The following DNAH11 variants were observed in gnomAD, a reference collection of about 807,000 sequenced individuals.
DNAH11 encodes axonemal beta dynein heavy chain 11.
A neutral mutation model predicts 526.0 loss-of-function variants in DNAH11; 442 were observed. The ratio of observed to expected loss-of-function variants is 0.84; its 90% CI spans 0.78 to 0.91. The LOEUF (loss-of-function observed/expected upper bound fraction) is 0.91. DNAH11 is among the 40% of genes least tolerant of loss of function. The pLI is 0.00. For missense variants in DNAH11, 6,989 were observed against 5,448.7 expected (o/e 1.28, Z -8.90); for synonymous variants, 2,461 against 1,935.9 (o/e 1.27, Z -7.12).
chr7:21,590,505 A>C (rs1028896555), intron 12 of DNAH11, among the ~76,000 whole-genome samples: 1 of 152,180 alleles, frequency 6.6e-6, no homozygotes, highest in African/African-American at 2.4e-5. Context: ...ATGCCTAGGA[A>C]GTGGGAAAGT....
intron 30 of DNAH11, among the ~76,000 whole-genome samples, chr7:21,669,635 C>T (rs1464530727): frequency 6.8e-6 from 1 of 148,128 alleles, no homozygotes; most frequent in Non-Finnish European, 1.5e-5. Context: ...CTTTTTGTGT[C>T]TTTTTAAAAA....
At chr7:21,895,105 G>T in intron 79 of DNAH11, 106 bp downstream of exon 79, 1 of 905,542 alleles carries the variant, frequency 1.1e-6, no homozygotes, top group Non-Finnish European at 1.7e-6. Context: ...CTTTGTGACT[G>T]TTCTCAACCT....
intron 63 of DNAH11, among the ~76,000 whole-genome samples, chr7:21,813,537 T>C (rs571727655): frequency 6.6e-6 from 1 of 152,348 alleles, no homozygotes; most frequent in South Asian, 2.1e-4. Context: ...CAGTATTACC[T>C]CCACAGGAAA....
intron 2 of DNAH11, among the ~76,000 whole-genome samples, chr7:21,555,799 G>A (rs1363172600): frequency 6.6e-6 from 1 of 152,182 alleles, no homozygotes; most frequent in African/African-American, 2.4e-5. Flanking sequence ...CCTGGATAGA[G>A]TGGGCCACTT....
rs6962728 is a variant in DNAH11 at position 21,670,809 on chromosome 7, C to T, written c.5329-10737C>T. 9.7e-3 allele frequency among the ~76,000 whole-genome samples: 1,476 copies of T among 152,046 alleles called. 29 individuals are homozygous for T. The highest frequency in any genetic ancestry group is 0.033 in the African/African-American group (1,375 of 41,488). ...TTGTGGTGAATTTTCGAAAGTTACGCCAACTTTGCATTCCTGAATAATAAA... is the reference window on the plus strand; with the variant it reads ...TTGTGGTGAATTTTCGAAAGTTACGTCAACTTTGCATTCCTGAATAATAAA... On this transcript the variant is annotated intron_variant, in intron 30 of 81. Transcript: ENST00000409508.
intron 25 of DNAH11, among the ~76,000 whole-genome samples, chr7:21,622,690 C>G (rs1363864224): frequency 2.0e-5 from 3 of 152,076 alleles, no homozygotes; most frequent in Non-Finnish European, 4.4e-5. Context: ...TGATCTTTGA[C>G]AAACCTGAGA....
At chr7:21,776,623 C>G (rs188058470) in intron 56 of DNAH11, among the ~76,000 whole-genome samples, 34 of 152,316 alleles carry the variant, frequency 2.2e-4, no homozygotes, top group African/African-American at 7.7e-4. Flanking sequence ...GACCTTTCTT[C>G]ATAGAGAAAG....
In DNAH11 at chr7:21,749,771, C is replaced by T; in HGVS notation, c.8767C>T (p.Leu2923Phe). The T allele has an allele frequency of 6.2e-7, 1 of 1,613,916 alleles. No homozygotes were observed. Among genetic ancestry groups the T allele is most frequent in the Non-Finnish European group, 8.5e-7 (1 of 1,179,826 alleles). The change falls in exon 53 of 82, where the codon CTC (leucine) becomes TTC (phenylalanine). Residue 2923 changes from leucine to phenylalanine, a missense_variant. By Grantham distance (22) the Leu-to-Phe change is conservative. Transcript: ENST00000409508. Reference sequence around the variant, plus strand: ...TGCCCAGGTTCTAGATGAGAGCTTCCTCGTGCTGATTAATGACTTGCTGGC... The same window carrying T: ...TGCCCAGGTTCTAGATGAGAGCTTCTTCGTGCTGATTAATGACTTGCTGGC... ...TDAQVLDESF[L>F]VLINDLLASG...
chr7:21,626,458 C>G (rs1282645055), intron 25 of DNAH11, among the ~76,000 whole-genome samples: 1 of 152,084 alleles, frequency 6.6e-6, no homozygotes, highest in African/African-American at 2.4e-5. Flanking sequence ...GATTTTCTTT[C>G]TTTTGGGTAT....
In DNAH11 at chr7:21,599,915, G is replaced by A. The variant is rs781105192; in HGVS notation, c.2796G>A (p.Lys932=). The part of the protein sequence containing the change: ...AIMHDLDFFL[K]NTEKQLKPAP... ...TGCACGACTTAGACTTCTTTCTGAAGAATACAGAGAAACAATTGAAACCGG... is the reference window on the plus strand; with the variant it reads ...TGCACGACTTAGACTTCTTTCTGAAAAATACAGAGAAACAATTGAAACCGG... The change falls in exon 15 of 82, where the codon AAG becomes AAA. Residue 932 remains lysine (K), a synonymous_variant. Transcript: ENST00000409508. 2 of 1,581,028 alleles carry A rather than the reference G, an allele frequency of 1.3e-6. No individual in the cohort carries two copies. The highest frequency in any genetic ancestry group is 8.6e-7 in the Non-Finnish European group (1 of 1,158,650).
Position 21,656,570 on chromosome 7 carries a change from G to T in DNAH11, c.5094+589G>T, listed in dbSNP as rs531099390. ...TTCTTAACAGTTATCCGCAAGAATGGCTCATTATGATTTCTGAAAGCGTTT... is the reference window on the plus strand; with the variant it reads ...TTCTTAACAGTTATCCGCAAGAATGTCTCATTATGATTTCTGAAAGCGTTT... On this transcript the variant is annotated intron_variant, in intron 29 of 81. Coordinates refer to ENST00000409508, the MANE Select transcript of DNAH11 (RefSeq NM_001277115.2). Among the ~76,000 whole-genome samples the T allele has an allele frequency of 5.1e-4, 77 of 152,218 alleles. 1 individual carries two copies. The highest frequency in any genetic ancestry group is 1.8e-3 in the African/African-American group (76 of 41,544).
intron 14 of DNAH11, among the ~76,000 whole-genome samples, chr7:21,597,282 G>C (rs1036898556): frequency 6.6e-6 from 1 of 152,182 alleles, no homozygotes; most frequent in Admixed American, 6.5e-5. Flanking sequence ...GTATGACCGT[G>C]ACATGATGGG....
At chr7:21,818,517 T>C (rs571644625) in intron 65 of DNAH11, among the ~76,000 whole-genome samples, 178 bp downstream of exon 65, 12 of 152,294 alleles carry the variant, frequency 7.9e-5, no homozygotes, top group African/African-American at 2.9e-4. Flanking sequence ...TTTCAGACTA[T>C]TTATTTGATG....
chr7:21,881,027 G>A (rs1205645484), intron 75 of DNAH11, 134 bp downstream of exon 75: 37 of 820,386 alleles, frequency 4.5e-5, no homozygotes, highest in Middle Eastern at 3.7e-4. Context: ...TGTATCTTCT[G>A]CCAAGTGTGA....
intron 30 of DNAH11, among the ~76,000 whole-genome samples, chr7:21,678,146 A>T (rs1782978321): frequency 1.3e-5 from 2 of 149,488 alleles, no homozygotes; most frequent in South Asian, 4.2e-4. Flanking sequence ...ATCATTGTCA[A>T]GACCAAAGTC....
intron 30 of DNAH11, among the ~76,000 whole-genome samples, chr7:21,673,682 A>T (rs549371608): frequency 6.6e-6 from 1 of 152,134 alleles, no homozygotes; most frequent in African/African-American, 2.4e-5. Context: ...CAACTCCCTC[A>T]TTACTCAAAA....
chr7:21,863,623 T>C (rs1783159969), intron 69 of DNAH11, among the ~76,000 whole-genome samples: 1 of 152,152 alleles, frequency 6.6e-6, no homozygotes, highest in Non-Finnish European at 1.5e-5. Context: ...ACTTGTTTTG[T>C]ATGTACTGCT....
At chr7:21,587,547 C>G (rs928913505) in intron 9 of DNAH11, among the ~76,000 whole-genome samples, 2 of 152,188 alleles carry the variant, frequency 1.3e-5, no homozygotes, top group East Asian at 3.9e-4. Context: ...CACTGTAGCC[C>G]CAGGACACTG....
chr7:21,659,820 G>C (rs953067928), intron 30 of DNAH11, among the ~76,000 whole-genome samples: 2 of 152,074 alleles, frequency 1.3e-5, no homozygotes, highest in African/African-American at 4.8e-5. Context: ...TCAATAACTT[G>C]AGAATCAAAT....
Sources: gnomAD v4.1 joint callset for allele counts (sites outside exome capture counted in the v4.1 genomes callset) on GRCh38, gnomAD v4.1.1 for gene constraint, MANE v1.5 for transcripts, NCBI Gene and HGNC (gene_info 2026-07-23, HGNC 2026-07-21) for gene names.